The following HCLS1 variants were observed in gnomAD, a reference collection of about 807,000 sequenced individuals.
The protein encoded by HCLS1 is hematopoietic lineage cell-specific protein.
HCLS1 carries 44 observed loss-of-function variants against 68.6 expected under a neutral mutation model. The ratio of observed to expected loss-of-function variants is 0.64; its 90% CI spans 0.50 to 0.82. The LOEUF (loss-of-function observed/expected upper bound fraction) is 0.82, where lower values mean the gene tolerates loss of function less well. HCLS1 is among the 40% of genes least tolerant of loss of function. The pLI is 0.00. For synonymous variants in HCLS1, 217 were observed against 225.8 expected (o/e 0.96, Z 0.35); for missense variants, 602 against 612.1 (o/e 0.98, Z 0.17).
rs151238598 is a variant in HCLS1 at position 121,636,386 on chromosome 3, C to T, written c.621+48G>A. 701 of 1,491,772 alleles carry T rather than the reference C, an allele frequency of 4.7e-4. 3 individuals carry two copies. The African/African-American group carries it at 8.4e-3, about 18-fold the overall frequency. The allele number at this position is 1,491,772 out of a possible 1,614,324, so 92.4% of individuals were successfully genotyped here. On this transcript the variant is annotated intron_variant, in intron 8 of 13. Coordinates refer to ENST00000314583, the MANE Select transcript of HCLS1 (RefSeq NM_005335.6). The stretch of plus-strand genomic sequence containing the variant: ...TTCACGCTCTTCTCTGCACACTTTC[C>T]TAAACTTAGGGAACTCTTCTTAAGA...
chr3:121,649,176 G>A (rs1340315673), intron 3 of HCLS1, among the ~76,000 whole-genome samples: 4 of 152,152 alleles, frequency 2.6e-5, no homozygotes, highest in Non-Finnish European at 4.4e-5. Flanking sequence ...TGAAATTGTT[G>A]AGGCCCAAAG....
At chr3:121,656,407 T>C (rs986413609) in intron 3 of HCLS1, 1 of 152,234 alleles carries the variant, frequency 6.6e-6, no homozygotes, top group Non-Finnish European at 1.5e-5. Flanking sequence ...TTGCTACTAA[T>C]GTTTGACATT....
chr3:121,652,387 C>T (rs1269461244), intron 3 of HCLS1, among the ~76,000 whole-genome samples: 3 of 152,150 alleles, frequency 2.0e-5, no homozygotes, highest in Non-Finnish European at 2.9e-5. Context: ...GCAATGGTGG[C>T]TTACACCTGT....
intron 3 of HCLS1, chr3:121,656,023 A>G (rs1937861013): frequency 6.6e-6 from 1 of 151,588 alleles, no homozygotes; most frequent in Non-Finnish European, 1.5e-5. Flanking sequence ...TAATTTTTGT[A>G]TTTTTAGTAG....
intron 3 of HCLS1, among the ~76,000 whole-genome samples, chr3:121,650,938 C>A (rs1328097993): frequency 1.3e-5 from 2 of 152,112 alleles, no homozygotes; most frequent in Admixed American, 6.5e-5. Context: ...GAGCTCAAGA[C>A]CAGCCTAGCC....
intron 7 of HCLS1, 98 bp downstream of exon 7, chr3:121,637,048 G>A (rs2049156527): frequency 3.7e-6 from 3 of 806,824 alleles, no homozygotes; most frequent in Non-Finnish European, 6.5e-6. Flanking sequence ...CTGCACATCT[G>A]CCCCTCTGTA....
In HCLS1 at chr3:121,631,728, A is replaced by C; in HGVS notation, c.*118T>G. On this transcript the variant is annotated 3_prime_UTR_variant, in exon 14 of 14. Transcript: ENST00000314583. ...CCCCAAGCCCTTAATGAAGCAGGAG[A>C]GGGAAGTCTGTCCAGAACCTCATCT... 1 of 1,080,110 alleles carries C rather than the reference A, an allele frequency of 9.3e-7. No individual in the cohort carries two copies. Among genetic ancestry groups the C allele is most frequent in the Non-Finnish European group, 1.3e-6 (1 of 741,426 alleles). The allele number at this position is 1,080,110 out of a possible 1,614,324, so 66.9% of individuals were successfully genotyped here. A position where few individuals can be genotyped will look rare whatever the true frequency, so the allele number is the denominator to read the frequency against.
intron 3 of HCLS1, chr3:121,657,023 TG>T (rs1249600847): frequency 8.1e-6 from 3 of 368,254 alleles, no homozygotes; most frequent in Non-Finnish European, 1.5e-5. Context: ...TAGACCCACT[TG>T]GGGAAATAGC....
At chr3:121,637,320 A>T (rs1434601693) in intron 6 of HCLS1, 64 bp from the exon 7 acceptor site, 1 of 1,065,456 alleles carries the variant, frequency 9.4e-7, no homozygotes, top group African/African-American at 1.6e-5. Flanking sequence ...GAAGCGCTGG[A>T]GAAGAGAGGT....
At chr3:121,645,709 A>G (rs2107469935) in intron 4 of HCLS1, among the ~76,000 whole-genome samples, 1 of 151,866 alleles carries the variant, frequency 6.6e-6, no homozygotes, top group Non-Finnish European at 1.5e-5. Context: ...ATATGTGGAC[A>G]TTATATTTTA....
intron 1 of HCLS1, among the ~76,000 whole-genome samples, chr3:121,659,823 G>A (rs765116397): frequency 6.6e-6 from 1 of 152,196 alleles, no homozygotes; most frequent in Non-Finnish European, 1.5e-5. Context: ...AAATAGTCAT[G>A]AGCAATAAGG....
chr3:121,657,678 TGTG>T (rs1319853351), intron 2 of HCLS1, among the ~76,000 whole-genome samples: 6 of 152,030 alleles, frequency 3.9e-5, no homozygotes, highest in Admixed American at 3.9e-4. Flanking sequence ...ATTAGCCAGG[TGTG>T]GTGGCATGCA....
At chr3:121,641,479 T>TA (rs540552049) in intron 6 of HCLS1, among the ~76,000 whole-genome samples, 159 of 152,316 alleles carry the variant, frequency 1.0e-3, no homozygotes, top group African/African-American at 3.6e-3. Flanking sequence ...AGGAAATAGG[T>TA]AAATACCTTG....
At chr3:121,659,585 G>A (rs987075851) in intron 1 of HCLS1, among the ~76,000 whole-genome samples, 1 of 152,154 alleles carries the variant, frequency 6.6e-6, no homozygotes, top group African/African-American at 2.4e-5. Flanking sequence ...GGGAAGTCTG[G>A]GTAAATCAGT....
Position 121,632,478 on chromosome 3 carries a change from T to C in HCLS1, c.1094A>G (p.Glu365Gly). The C allele has an allele frequency of 6.2e-7, 1 of 1,613,728 alleles. No individual in the cohort carries two copies. Among genetic ancestry groups the C allele is most frequent in the Non-Finnish European group, 8.5e-7 (1 of 1,179,744 alleles). Reference protein sequence around the residue: ...EEEPVYEAEPEPEPEPEPEPE... With the variant: ...EEEPVYEAEPGPEPEPEPEPE... ...CTCGGGCTCAGGCTCGGGCTCAGGCTCAGGCTCTGCTTCGTACACTGGCTC... is the reference window on the plus strand; with the variant it reads ...CTCGGGCTCAGGCTCGGGCTCAGGCCCAGGCTCTGCTTCGTACACTGGCTC... The change falls in exon 12 of 14, where the codon GAG becomes GGG. Residue 365 changes from glutamate to glycine, a missense_variant. Physicochemically the swap from Glu to Gly is moderately conservative, Grantham distance 98 (BLOSUM62 -2). Coordinates refer to ENST00000314583, the MANE Select transcript of HCLS1 (RefSeq NM_005335.6).
chr3:121,632,328 T>TC lies in HCLS1; in HGVS notation c.1240+3dup. 1 of 1,613,756 alleles carries TC rather than the reference T, an allele frequency of 6.2e-7. No individual in the cohort carries two copies. The highest frequency in any genetic ancestry group is 8.5e-7 in the Non-Finnish European group (1 of 1,179,790). On this transcript the variant is annotated splice_donor_region_variant and intron_variant, in intron 12 of 13. Transcript: ENST00000314583. ...ATTCTCCTGCTTCTCCTCCCATCAC[T>TC]CACCAGCCAGAGCAGAAGAAAAAGA...
At position 121,633,158 on chromosome 3, in the gene HCLS1, A is replaced by G. The variant is rs140124715; in HGVS notation, c.917T>C (p.Val306Ala). The change falls in exon 11 of 14, where the codon GTT becomes GCT. Residue 306 changes from valine (V) to alanine (A), a missense_variant. Val to Ala is a moderately conservative substitution (Grantham distance 64). Transcript: ENST00000314583. ...KKISSEAWPP[V>A]GTPPSSESEP... Reference sequence around the variant, plus strand: ...AGACTCTGATGATGGAGGAGTCCCAACTGGAGGCCAGGCCTGTGGAAAATG... The same window carrying G: ...AGACTCTGATGATGGAGGAGTCCCAGCTGGAGGCCAGGCCTGTGGAAAATG... The G allele has an allele frequency of 5.4e-5, 87 of 1,607,228 alleles. No individual in the cohort carries two copies. The highest frequency in any genetic ancestry group is 3.8e-4 in the East Asian group (17 of 44,700).
chr3:121,647,203 G>A (rs1367889903), intron 4 of HCLS1, 116 bp downstream of exon 4: 3 of 986,968 alleles, frequency 3.0e-6, no homozygotes, highest in African/African-American at 1.6e-5. Flanking sequence ...GGATGGTCTC[G>A]ATCTCCTAAC....
At chr3:121,646,330 ATATT>A (rs2049247786) in intron 4 of HCLS1, among the ~76,000 whole-genome samples, 1 of 100,774 alleles carries the variant, frequency 9.9e-6, no homozygotes, top group Non-Finnish European at 1.7e-5. Context: ...TATATATTAT[ATATT>A]AATTATAGTA....
Sources: gnomAD v4.1 joint callset for allele counts (sites outside exome capture counted in the v4.1 genomes callset) on GRCh38, gnomAD v4.1.1 for gene constraint, MANE v1.5 for transcripts, NCBI Gene and HGNC (gene_info 2026-07-23, HGNC 2026-07-21) for gene names.